ABCB1: variants seen among roughly 807,000 people sequenced by gnomAD.
The protein encoded by ABCB1 is ATP binding cassette subfamily B member 1.
A neutral mutation model predicts 142.0 loss-of-function variants in ABCB1; 69 were observed. The observed-to-expected ratio is 0.49, with a 90% confidence interval of 0.40 to 0.59. The LOEUF (loss-of-function observed/expected upper bound fraction) is 0.59, where lower values mean the gene tolerates loss of function less well. ABCB1 is among the 20% of genes least tolerant of loss of function. ABCB1 has a pLI of 0.00. For missense variants in ABCB1, 1,326 were observed against 1,554.7 expected (o/e 0.85, Z 2.47); for synonymous variants, 532 against 539.2 (o/e 0.99, Z 0.18).
chr7:87,676,318 T>C (rs1315135342), intron 1 of ABCB1, among the ~76,000 whole-genome samples: 1 of 152,108 alleles, frequency 6.6e-6, no homozygotes, highest in Non-Finnish European at 1.5e-5. Flanking sequence ...AGAGATAACA[T>C]GTGTAAACCA....
At chr7:87,633,727 T>G (rs1821459223) in intron 1 of ABCB1, among the ~76,000 whole-genome samples, 6 of 152,150 alleles carry the variant, frequency 3.9e-5, no homozygotes, top group Admixed American at 3.9e-4. Flanking sequence ...GCTTTAGAAC[T>G]CTGAACTTCT....
At chr7:87,620,199 T>G (rs1348989010) in intron 1 of ABCB1, among the ~76,000 whole-genome samples, 1 of 152,064 alleles carries the variant, frequency 6.6e-6, no homozygotes, top group Non-Finnish European at 1.5e-5. Context: ...CTCGCTCTGT[T>G]GCCCAGGCTG....
chr7:87,646,516 C>G (rs1823019799), intron 1 of ABCB1, among the ~76,000 whole-genome samples: 1 of 152,046 alleles, frequency 6.6e-6, no homozygotes, highest in Non-Finnish European at 1.5e-5. Context: ...TTTTTACAAG[C>G]AGTAGATTAT....
At chr7:87,625,814 C>T (rs1445781396) in intron 1 of ABCB1, among the ~76,000 whole-genome samples, 1 of 152,028 alleles carries the variant, frequency 6.6e-6, no homozygotes, top group Non-Finnish European at 1.5e-5. Context: ...TAGTCACAAA[C>T]ATCCATATAT....
At chr7:87,632,301 A>G (rs909850485) in intron 1 of ABCB1, among the ~76,000 whole-genome samples, 4 of 152,214 alleles carry the variant, frequency 2.6e-5, no homozygotes, top group Non-Finnish European at 5.9e-5. Context: ...TTGAGCTTTG[A>G]AAGTGGGTTG....
chr7:87,565,302 T>C (rs192330106), intron 7 of ABCB1, among the ~76,000 whole-genome samples: 18 of 152,348 alleles, frequency 1.2e-4, no homozygotes, highest in Admixed American at 9.1e-4. Flanking sequence ...TGTGTTGAAC[T>C]CCACAAAAAT....
chr7:87,587,915 A>AAGTAAAC (rs1818831548), intron 3 of ABCB1, among the ~76,000 whole-genome samples: 1 of 147,820 alleles, frequency 6.8e-6, no homozygotes, highest in Non-Finnish European at 1.5e-5. Flanking sequence ...CCAAAAAGAA[A>AAGTAAAC]AGTAAACTGA....
intron 1 of ABCB1, among the ~76,000 whole-genome samples, chr7:87,620,691 C>T (rs2130094011): frequency 6.6e-6 from 1 of 151,916 alleles, no homozygotes; most frequent in Admixed American, 6.6e-5. Context: ...AGAATCATAA[C>T]AAAAAATGGG....
At chr7:87,537,177 C>T (rs920929959) in intron 19 of ABCB1, 2 of 154,078 alleles carry the variant, frequency 1.3e-5, no homozygotes, top group African/African-American at 4.8e-5. Context: ...CCTCCCCTCC[C>T]CTACTCTTGG....
chr7:87,627,104 T>G (rs370238215), intron 1 of ABCB1, among the ~76,000 whole-genome samples: 1 of 152,160 alleles, frequency 6.6e-6, no homozygotes, highest in Non-Finnish European at 1.5e-5. Context: ...AACAGAATAG[T>G]AGAATAAAAT....
At chr7:87,546,178 T>C (rs1816770400) in intron 14 of ABCB1, among the ~76,000 whole-genome samples, 154 bp from the exon 15 acceptor site, 1 of 152,224 alleles carries the variant, frequency 6.6e-6, no homozygotes, top group Non-Finnish European at 1.5e-5. Context: ...GTATAGACAA[T>C]TGATAATAGT....
chr7:87,550,103 C>A lies in ABCB1; in HGVS notation c.1351-49G>T, dbSNP rs1446603346. The stretch of plus-strand genomic sequence containing the variant: ...TTTCATACATTTGTAATTGAAAGGG[C>A]AACATCAGAAAGATGTGCAATGTGA... On this transcript the variant is annotated intron_variant, in intron 12 of 27. Coordinates refer to ENST00000622132, the MANE Select transcript of ABCB1 (RefSeq NM_001348946.2). 2.5e-6 allele frequency: 4 copies of A among 1,613,846 alleles called. No homozygotes were observed. In the African/African-American group the frequency reaches 4.0e-5, roughly 16 times the overall value.
At chr7:87,650,798 G>A (rs1823497506) in intron 1 of ABCB1, 3 of 1,446,162 alleles carry the variant, frequency 2.1e-6, no homozygotes, top group Admixed American at 1.7e-5. Context: ...CTGCCTAAAA[G>A]CAACAATAAT....
intron 21 of ABCB1, among the ~76,000 whole-genome samples, chr7:87,523,073 C>T (rs1815592849): frequency 6.6e-6 from 1 of 151,946 alleles, no homozygotes; most frequent in African/African-American, 2.4e-5. Context: ...AGGAAAATTT[C>T]TTAAGGTGAA....
chr7:87,578,683 GACT>G (rs1317638517), intron 4 of ABCB1, among the ~76,000 whole-genome samples: 3 of 146,108 alleles, frequency 2.1e-5, no homozygotes, highest in Non-Finnish European at 4.5e-5. Flanking sequence ...TAGTAAATGA[GACT>G]ACTTTCTTTT....
intron 1 of ABCB1, among the ~76,000 whole-genome samples, chr7:87,607,597 G>A (rs548601301): frequency 6.6e-6 from 1 of 151,792 alleles, no homozygotes; most frequent in African/African-American, 2.4e-5. Flanking sequence ...TGTCACCAAG[G>A]TTGAAGCACA....
At chr7:87,641,828 G>A (rs969232354) in intron 1 of ABCB1, among the ~76,000 whole-genome samples, 3 of 152,032 alleles carry the variant, frequency 2.0e-5, no homozygotes, top group African/African-American at 7.2e-5. Flanking sequence ...GAAGAGGTTA[G>A]GAAAACAATA....
chr7:87,562,924 C>T (rs1003711189), intron 7 of ABCB1, among the ~76,000 whole-genome samples: 1 of 152,078 alleles, frequency 6.6e-6, no homozygotes, highest in African/African-American at 2.4e-5. Flanking sequence ...CACATAGAAA[C>T]CCCATCTCTA....
intron 2 of ABCB1, among the ~76,000 whole-genome samples, chr7:87,597,643 T>TC (rs1465225838): frequency 3.3e-5 from 5 of 152,086 alleles, no homozygotes. Flanking sequence ...TATCAAGTTT[T>TC]CAAAAATACA....
Sources: allele counts gnomAD v4.1 joint callset (sites outside exome capture counted in the v4.1 genomes callset), GRCh38; gene constraint gnomAD v4.1.1; transcripts MANE v1.5; gene names NCBI Gene and HGNC (gene_info 2026-07-23, HGNC 2026-07-21).